The following LDLRAD3 variants were observed in gnomAD, a reference collection of about 807,000 sequenced individuals.
The protein encoded by LDLRAD3 is low density lipoprotein receptor class A domain containing 3, also known as low-density lipoprotein receptor class A domain-containing protein 3.
LDLRAD3 carries 20 observed loss-of-function variants against 29.4 expected under a neutral mutation model. That is an observed-to-expected ratio of 0.68 (90% CI 0.48 to 0.99). The LOEUF is 0.99. Among genes scored for constraint, LDLRAD3 ranks in the 50% least tolerant of loss-of-function variants. The pLI is 0.00. For synonymous variants in LDLRAD3, 157 were observed against 192.7 expected (o/e 0.81, Z 1.53); for missense variants, 420 against 454.3 (o/e 0.92, Z 0.69).
At chr11:36,026,278 T>C (rs1343719866) in intron 1 of LDLRAD3, among the ~76,000 whole-genome samples, 1 of 152,254 alleles carries the variant, frequency 6.6e-6, no homozygotes, top group Admixed American at 6.5e-5. Context: ...TTTCATTGTG[T>C]GAATGTACCC....
intron 1 of LDLRAD3, among the ~76,000 whole-genome samples, chr11:35,996,965 A>C (rs573721848): frequency 2.6e-4 from 40 of 152,304 alleles, no homozygotes; most frequent in Middle Eastern, 3.4e-3. Context: ...ACCTTTGGGA[A>C]TATAGTGTCT....
Position 36,229,616 on chromosome 11 carries a change from TCACTC to T in LDLRAD3, c.*220_*224del. On this transcript the variant is annotated 3_prime_UTR_variant, in exon 6 of 6. Transcript: ENST00000315571. ...TCTGTTGTGCGTCTTTTCTGTCAGG[TCACTC>T]TTCCCTTGGGACCCGAGATCACACC... 2.0e-6 allele frequency: 1 copy of T among 511,850 alleles called. No individual in the cohort carries two copies. Among genetic ancestry groups the T allele is most frequent in the Non-Finnish European group, 3.5e-6 (1 of 288,622 alleles). 31.7% of individuals were successfully genotyped at this position (511,850 alleles called of 1,614,324 possible). A position where few individuals can be genotyped will look rare whatever the true frequency, so the allele number is the denominator to read the frequency against.
chr11:36,152,618 A>C (rs1010620118), intron 4 of LDLRAD3, among the ~76,000 whole-genome samples: 1 of 152,100 alleles, frequency 6.6e-6, no homozygotes, highest in Non-Finnish European at 1.5e-5. Context: ...TTTCATCTAT[A>C]CTTCTGGCTT....
intron 4 of LDLRAD3, among the ~76,000 whole-genome samples, chr11:36,121,235 T>G (rs545525520): frequency 5.7e-4 from 86 of 151,770 alleles, no homozygotes; most frequent in African/African-American, 2.0e-3. Flanking sequence ...TGGGAGAAAA[T>G]TAGGGGAATG....
intron 2 of LDLRAD3, among the ~76,000 whole-genome samples, chr11:36,041,558 G>A (rs945241784): frequency 6.6e-6 from 1 of 152,156 alleles, no homozygotes; most frequent in African/African-American, 2.4e-5. Flanking sequence ...TTACATGGCC[G>A]TTAGTCCTGG....
rs181942729 is a variant in LDLRAD3, at chr11:36,160,552, T to C, written c.454+62091T>C. 4.6e-5 allele frequency among the ~76,000 whole-genome samples: 7 copies of C among 152,182 alleles called. 1 individual carries two copies. The highest frequency in any genetic ancestry group is 3.3e-4 in the Admixed American group (5 of 15,280). ...TTTCTTTTAATGAGGCTCTCAGGGG[T>C]CAGTTTTTTCCCTTAAAAAATTTTT... On this transcript the variant is annotated intron_variant, in intron 4 of 5. Coordinates refer to ENST00000315571, the MANE Select transcript of LDLRAD3 (RefSeq NM_174902.4).
chr11:36,035,992 T>G (rs1852298646), intron 1 of LDLRAD3, 111 bp from the exon 2 acceptor site: 1 of 1,031,738 alleles, frequency 9.7e-7, no homozygotes, highest in Non-Finnish European at 1.4e-6. Context: ...TCAGAGAGGT[T>G]GAGTCATCTA....
At chr11:36,102,821 A>G (rs1318402526) in intron 4 of LDLRAD3, among the ~76,000 whole-genome samples, 1 of 152,104 alleles carries the variant, frequency 6.6e-6, no homozygotes, top group Admixed American at 6.5e-5. Context: ...CCTGCCATAT[A>G]CATGTTGGGG....
At chr11:36,033,280 T>C (rs1488074322) in intron 1 of LDLRAD3, among the ~76,000 whole-genome samples, 1 of 152,190 alleles carries the variant, frequency 6.6e-6, no homozygotes, top group Non-Finnish European at 1.5e-5. Flanking sequence ...TGTGCCTCTC[T>C]GTTATTGTTC....
intron 5 of LDLRAD3, 48 bp downstream of exon 5, chr11:36,227,478 G>C: frequency 7.2e-7 from 1 of 1,387,018 alleles, no homozygotes; most frequent in South Asian, 1.4e-5. Context: ...CATCCATTGC[G>C]GGGAGGGGAA....
intron 4 of LDLRAD3, among the ~76,000 whole-genome samples, chr11:36,155,851 G>A (rs1382256298): frequency 6.6e-6 from 1 of 152,142 alleles, no homozygotes; most frequent in Non-Finnish European, 1.5e-5. Flanking sequence ...TTGGAGCCTA[G>A]TCTTGGTCCT....
intron 1 of LDLRAD3, among the ~76,000 whole-genome samples, chr11:35,991,528 G>A (rs1019787044): frequency 6.6e-6 from 1 of 152,130 alleles, no homozygotes; most frequent in African/African-American, 2.4e-5. Context: ...TAAATTTAAG[G>A]CATATAGGAA....
At chr11:36,079,441 C>T (rs1028036176) in intron 2 of LDLRAD3, among the ~76,000 whole-genome samples, 1 of 152,108 alleles carries the variant, frequency 6.6e-6, no homozygotes, top group African/African-American at 2.4e-5. Context: ...CTACTGTATT[C>T]TATGCTCTAT....
chr11:36,107,778 C>T (rs1590273108), intron 4 of LDLRAD3, among the ~76,000 whole-genome samples: 1 of 152,158 alleles, frequency 6.6e-6, no homozygotes, highest in Middle Eastern at 3.2e-3. Flanking sequence ...CTATGATGTG[C>T]ACCCCATGAT....
chr11:36,092,797 T>C (rs1590260579), intron 3 of LDLRAD3, among the ~76,000 whole-genome samples: 1 of 152,256 alleles, frequency 6.6e-6, no homozygotes, highest in Non-Finnish European at 1.5e-5. Context: ...AGAGAGCTGA[T>C]GGCCTGAGGC....
At chr11:36,026,734 C>T (rs867752944) in intron 1 of LDLRAD3, among the ~76,000 whole-genome samples, 1 of 152,186 alleles carries the variant, frequency 6.6e-6, no homozygotes, top group African/African-American at 2.4e-5. Flanking sequence ...AAGACACTCC[C>T]ACAAGTGCCA....
At chr11:36,184,576 A>T (rs1854818393) in intron 4 of LDLRAD3, among the ~76,000 whole-genome samples, 1 of 152,184 alleles carries the variant, frequency 6.6e-6, no homozygotes, top group Non-Finnish European at 1.5e-5. Flanking sequence ...AGAGAGATTT[A>T]GGTTGGCTTC....
chr11:36,214,400 C>T (rs1172279943), intron 4 of LDLRAD3, among the ~76,000 whole-genome samples: 1 of 152,180 alleles, frequency 6.6e-6, no homozygotes, highest in East Asian at 1.9e-4. Flanking sequence ...ACTTTTGGTC[C>T]TGCGAGTTGG....
chr11:36,104,775 G>A (rs7102158), intron 4 of LDLRAD3, among the ~76,000 whole-genome samples: 130,020 of 152,020 alleles, frequency 0.86, 57,340 homozygotes, highest in East Asian at 1. Context: ...CCAGGATGGG[G>A]ACTCGGCTCA....
Sources: gnomAD v4.1 joint callset for allele counts (sites outside exome capture counted in the v4.1 genomes callset) on GRCh38, gnomAD v4.1.1 for gene constraint, MANE v1.5 for transcripts, NCBI Gene and HGNC (gene_info 2026-07-23, HGNC 2026-07-21) for gene names.